Variants in SNCAIP observed in about 807,000 individuals in gnomAD.
SNCAIP encodes synphilin-1.
Under a neutral mutation model 86.7 loss-of-function variants are expected in SNCAIP, and 43 were observed. That is an observed-to-expected ratio of 0.50 (90% CI 0.39 to 0.64). The LOEUF is 0.64. Ranked by LOEUF, SNCAIP falls within the 30% of genes least tolerant of loss-of-function variation. The pLI is 0.00. For missense variants in SNCAIP, 981 were observed against 1,103.1 expected (o/e 0.89, Z 1.57); for synonymous variants, 417 against 427.2 (o/e 0.98, Z 0.29).
intron 3 of SNCAIP, among the ~76,000 whole-genome samples, chr5:122,414,600 C>A (rs1297838399): frequency 2.6e-5 from 4 of 152,144 alleles, no homozygotes; most frequent in Non-Finnish European, 1.5e-5. Context: ...TTTAGACAGA[C>A]AACACAGTGT....
At chr5:122,350,819 A>G (rs1463529304) in intron 1 of SNCAIP, among the ~76,000 whole-genome samples, 1 of 152,158 alleles carries the variant, frequency 6.6e-6, no homozygotes, top group East Asian at 1.9e-4. Context: ...GTACAGAGAG[A>G]TCAGAGTGTT....
At chr5:122,394,003 C>T (rs1485904879) in intron 2 of SNCAIP, among the ~76,000 whole-genome samples, 1 of 151,722 alleles carries the variant, frequency 6.6e-6, no homozygotes, top group Non-Finnish European at 1.5e-5. Context: ...TATTCAAATG[C>T]TAAAAATGAA....
At chr5:122,341,440 T>A in intron 1 of SNCAIP, among the ~76,000 whole-genome samples, 1 of 152,204 alleles carries the variant, frequency 6.6e-6, no homozygotes, top group East Asian at 1.9e-4. Context: ...TTCTATAGTT[T>A]TGTGTTACAT....
intron 3 of SNCAIP, among the ~76,000 whole-genome samples, chr5:122,406,710 G>T (rs374366941): frequency 6.6e-6 from 1 of 151,982 alleles, no homozygotes; most frequent in South Asian, 2.1e-4. Context: ...CCCCTTTGCC[G>T]TCTGCCATAA....
intron 1 of SNCAIP, among the ~76,000 whole-genome samples, chr5:122,328,353 C>T (rs1039488936): frequency 9.2e-5 from 14 of 152,300 alleles, no homozygotes; most frequent in Admixed American, 7.2e-4. Flanking sequence ...GCAAAGTCTG[C>T]ACCCGCAAAG....
chr5:122,386,440 C>T (rs1380973519), intron 1 of SNCAIP, among the ~76,000 whole-genome samples: 1 of 152,188 alleles, frequency 6.6e-6, no homozygotes, highest in Non-Finnish European at 1.5e-5. Flanking sequence ...AAGCCCCTCA[C>T]ACACACTTTA....
At chr5:122,355,043 A>T (rs879829516) in intron 1 of SNCAIP, among the ~76,000 whole-genome samples, 10 of 152,198 alleles carry the variant, frequency 6.6e-5, no homozygotes, top group Non-Finnish European at 1.0e-4. Flanking sequence ...AGTATAAAAA[A>T]CTTTGTGTGT....
chr5:122,361,277 C>T (rs1213346963), intron 1 of SNCAIP, among the ~76,000 whole-genome samples: 1 of 151,940 alleles, frequency 6.6e-6, no homozygotes, highest in Non-Finnish European at 1.5e-5. Context: ...ATCTGTCACA[C>T]CTCCATCTTT....
intron 2 of SNCAIP, among the ~76,000 whole-genome samples, chr5:122,402,391 C>T (rs2152870517): frequency 1.3e-5 from 2 of 152,242 alleles, no homozygotes; most frequent in South Asian, 2.1e-4. Context: ...GTCATCCCTC[C>T]CTCTGAGCAT....
rs528133107 is a variant in SNCAIP, at chr5:122,374,078, T to G, written c.-46-17011T>G. Among the ~76,000 whole-genome samples the G allele has an allele frequency of 3.9e-5, 6 of 152,300 alleles. No homozygotes were observed. The South Asian group carries it at 1.2e-3, about 32-fold the overall frequency. On this transcript the variant is annotated intron_variant, in intron 1 of 10. Transcript: ENST00000261368. ...GAGTTTTTCTATGGGAAAATTTTTTTCGTTCTGATTGATATTCTTTCTTTA... is the reference window on the plus strand; with the variant it reads ...GAGTTTTTCTATGGGAAAATTTTTTGCGTTCTGATTGATATTCTTTCTTTA...
chr5:122,457,585 C>A (rs1785071361), intron 10 of SNCAIP, among the ~76,000 whole-genome samples: 1 of 152,124 alleles, frequency 6.6e-6, no homozygotes, highest in Non-Finnish European at 1.5e-5. Flanking sequence ...TGTCCCCACC[C>A]AACCCCGCCA....
At position 122,423,435 on chromosome 5, in the gene SNCAIP, C is replaced by A. The variant is rs1394307685; in HGVS notation, c.698C>A (p.Thr233Asn). 6.2e-7 allele frequency: 1 copy of A among 1,613,498 alleles called. No individual in the cohort carries two copies. Among genetic ancestry groups the A allele is most frequent in the African/African-American group, 1.3e-5 (1 of 74,666 alleles). Residue 233 changes from threonine to asparagine, a missense_variant, in exon 4 of 11, where the codon ACT (threonine) becomes AAT (asparagine). Physicochemically the swap from Thr to Asn is moderately conservative, Grantham distance 65. Coordinates refer to ENST00000261368, the MANE Select transcript of SNCAIP (RefSeq NM_005460.4). ...ATCCACGACCAGCACAAGCTGTCCA[C>A]TGAAGAAACCGAGATCTCACCTCCT... ...AVIHDQHKLS[T>N]EETEISPPLV...
intron 1 of SNCAIP, among the ~76,000 whole-genome samples, chr5:122,377,441 T>G (rs1368470867): frequency 6.6e-6 from 1 of 152,056 alleles, no homozygotes; most frequent in Non-Finnish European, 1.5e-5. Flanking sequence ...GAATTTTAAA[T>G]GTTCAACTCA....
intron 10 of SNCAIP, among the ~76,000 whole-genome samples, chr5:122,457,470 C>T (rs1016872867): frequency 6.6e-6 from 1 of 152,136 alleles, no homozygotes; most frequent in African/African-American, 2.4e-5. Flanking sequence ...CAGCACTGAC[C>T]CTCCCAGCTC....
At chr5:122,386,796 C>T (rs1429183558) in intron 1 of SNCAIP, among the ~76,000 whole-genome samples, 1 of 151,446 alleles carries the variant, frequency 6.6e-6, no homozygotes, top group Admixed American at 6.6e-5. Flanking sequence ...CTCACCCTCC[C>T]TGGCATCTCA....
intron 1 of SNCAIP, among the ~76,000 whole-genome samples, chr5:122,317,095 T>C (rs1751905586): frequency 6.6e-6 from 1 of 152,206 alleles, no homozygotes; most frequent in Non-Finnish European, 1.5e-5. Context: ...ATTATAAGTG[T>C]AGAGTTTGCT....
intron 7 of SNCAIP, chr5:122,444,024 T>C (rs1280475311): frequency 4.4e-6 from 2 of 456,096 alleles, no homozygotes; most frequent in Non-Finnish European, 8.8e-6. Context: ...CCATAGCCCA[T>C]TGTGGGAGGG....
intron 1 of SNCAIP, among the ~76,000 whole-genome samples, chr5:122,379,684 G>A (rs2152811911): frequency 6.6e-6 from 1 of 152,030 alleles, no homozygotes; most frequent in Non-Finnish European, 1.5e-5. Flanking sequence ...GTTTGTCATA[G>A]ATAGCTCTCA....
intron 1 of SNCAIP, among the ~76,000 whole-genome samples, chr5:122,318,527 G>C (rs562921729): frequency 6.6e-6 from 1 of 152,222 alleles, no homozygotes; most frequent in East Asian, 1.9e-4. Context: ...TTAAATAAAT[G>C]AGAGAAAAAT....
Sources: allele counts gnomAD v4.1 joint callset (sites outside exome capture counted in the v4.1 genomes callset), GRCh38; gene constraint gnomAD v4.1.1; transcripts MANE v1.5; gene names NCBI Gene and HGNC (gene_info 2026-07-23, HGNC 2026-07-21).